ANKRD28: variants seen among roughly 807,000 people sequenced by gnomAD.
ANKRD28 encodes the protein ankyrin repeat domain 28.
A neutral mutation model predicts 126.5 loss-of-function variants in ANKRD28; 44 were observed. The ratio of observed to expected loss-of-function variants is 0.35; its 90% CI spans 0.27 to 0.45. ANKRD28 has a LOEUF of 0.45. Among genes scored for constraint, ANKRD28 ranks in the 20% least tolerant of loss-of-function variants. The pLI, the probability that ANKRD28 is intolerant of heterozygous loss-of-function variation, is 1.00. For missense variants in ANKRD28, 1,110 were observed against 1,316.6 expected, an observed-to-expected ratio of 0.84 and a Z score of 2.43; for synonymous variants, 442 against 468.5, an observed-to-expected ratio of 0.94 and a Z score of 0.73.
chr3:15,811,597 G>GAC (rs1273784170), intron 1 of ANKRD28, among the ~76,000 whole-genome samples: 2 of 151,964 alleles, frequency 1.3e-5, no homozygotes, highest in African/African-American at 4.8e-5. Context: ...TGGGACTGCA[G>GAC]GTGCACGCCA....
At chr3:15,749,142 C>T (rs1170753065) in intron 4 of ANKRD28, among the ~76,000 whole-genome samples, 13 of 124,590 alleles carry the variant, frequency 1.0e-4, no homozygotes, top group African/African-American at 2.6e-4. Context: ...CTCGCTCTGT[C>T]GCCCAGGCCG....
At position 15,675,890 on chromosome 3, in the gene ANKRD28, C is replaced by G. The variant is rs1575089212; in HGVS notation, c.2965+8G>C. 5 of 1,600,122 alleles carry G rather than the reference C, an allele frequency of 3.1e-6. No homozygotes were observed. The highest frequency in any genetic ancestry group is 8.5e-7 in the Non-Finnish European group (1 of 1,170,446). On this transcript the variant is annotated splice_region_variant and intron_variant, in intron 27 of 27. Coordinates refer to ENST00000683139, the MANE Select transcript of ANKRD28 (RefSeq NM_001349278.2). ...AGGTTAAGGGAAGAGAATATAGAACCAACTTACCATTTTCATCTACTGCAA... is the reference window on the plus strand; with the variant it reads ...AGGTTAAGGGAAGAGAATATAGAACGAACTTACCATTTTCATCTACTGCAA...
Position 15,815,628 on chromosome 3 carries a change from A to C in ANKRD28, c.28-20322T>G, listed in dbSNP as rs761169739. ...TTCTTATTGTTCTGAAAGAATCGTC[A>C]TCAATGCTATGACAAAGAATCATCT... On this transcript the variant is annotated intron_variant, in intron 1 of 27. Transcript: ENST00000399451. This position sits in a 1 kb window ranked among gnomAD's most constrained non-coding sequence, Gnocchi z 4.1. 3.9e-5 allele frequency among the ~76,000 whole-genome samples: 6 copies of C among 152,180 alleles called. No individual in the cohort carries two copies. The highest frequency in any genetic ancestry group is 8.8e-5 in the Non-Finnish European group (6 of 68,034).
chr3:15,690,131 T>C lies in ANKRD28; in HGVS notation c.1851A>G (p.Leu617=). ...CATGGCCCTTAAAAGCTGCAAGATCTAGGGGTGTTCTTCCACTACTATTTC... is the reference window on the plus strand; with the variant it reads ...CATGGCCCTTAAAAGCTGCAAGATCCAGGGGTGTTCTTCCACTACTATTTC... ...DVRNSSGRTP[L]DLAAFKGHVE... Residue 617 remains leucine, a synonymous_variant, in exon 18 of 28, where the codon CTA becomes CTG. Transcript: ENST00000683139. 1 of 1,610,748 alleles carries C rather than the reference T, an allele frequency of 6.2e-7. No individual in the cohort carries two copies. The highest frequency in any genetic ancestry group is 8.5e-7 in the Non-Finnish European group (1 of 1,178,350).
At chr3:15,743,746 T>C (rs1025795686) in intron 4 of ANKRD28, among the ~76,000 whole-genome samples, 7 of 152,186 alleles carry the variant, frequency 4.6e-5, no homozygotes, top group African/African-American at 1.4e-4. Context: ...AGCCAGCTAG[T>C]AGGAGGTGGT....
Position 15,797,441 on chromosome 3 carries a change from G to C in ANKRD28, c.-920C>G. On this transcript the variant is annotated 5_prime_UTR_variant, in exon 1 of 28. Coordinates refer to ENST00000683139, the MANE Select transcript of ANKRD28 (RefSeq NM_001349278.2). ...GTTGTCTGTGGCTGCTCCAGCAAAAGGGCACAGGCACCAGGCAGAAATGGT... is the reference window on the plus strand; with the variant it reads ...GTTGTCTGTGGCTGCTCCAGCAAAACGGCACAGGCACCAGGCAGAAATGGT... 1 of 985,364 alleles carries C rather than the reference G, an allele frequency of 1.0e-6. No homozygotes were observed. The highest frequency in any genetic ancestry group is 1.2e-6 in the Non-Finnish European group (1 of 829,954). 61.0% of individuals were successfully genotyped at this position (985,364 alleles called of 1,614,324 possible).
intron 1 of ANKRD28, among the ~76,000 whole-genome samples, chr3:15,819,870 T>A (rs1014484397): frequency 1.3e-5 from 2 of 152,192 alleles, no homozygotes; most frequent in African/African-American, 4.8e-5. Context: ...TGATTCTAAT[T>A]CAGAGCTAAG....
rs900045719 is a variant in ANKRD28 at position 15,854,935 on chromosome 3, G to A, written c.27+4442C>T. ...GTGGTGGTGGGCGCCTGTAGTCCCA[G>A]CTACTAGGGAGGCTGAGGCAGGAGA... On this transcript the variant is annotated intron_variant, in intron 1 of 27. Transcript: ENST00000399451. This position sits in a 1 kb window ranked among gnomAD's most constrained non-coding sequence, Gnocchi z 4.1. 2.0e-5 allele frequency among the ~76,000 whole-genome samples: 3 copies of A among 152,092 alleles called. No individual in the cohort carries two copies. Among genetic ancestry groups the A allele is most frequent in the Admixed American group, 6.5e-5 (1 of 15,268 alleles).
At chr3:15,703,937 A>G (rs1575259146) in intron 14 of ANKRD28, among the ~76,000 whole-genome samples, 1 of 152,174 alleles carries the variant, frequency 6.6e-6, no homozygotes, top group Admixed American at 6.5e-5. Flanking sequence ...ACAGAGCAAT[A>G]TAACTGTTGA....
chr3:15,827,105 T>C (rs2061083929), intron 1 of ANKRD28, among the ~76,000 whole-genome samples: 1 of 151,856 alleles, frequency 6.6e-6, no homozygotes, highest in Admixed American at 6.6e-5. Flanking sequence ...ACCAAAAAGA[T>C]GAAAGAAAGG....
chr3:15,756,156 A>G (rs1411468454), intron 3 of ANKRD28, among the ~76,000 whole-genome samples: 4 of 152,252 alleles, frequency 2.6e-5, no homozygotes, highest in African/African-American at 9.6e-5. Flanking sequence ...CCTCACACAT[A>G]TATCTGAATT....
At chr3:15,832,873 A>C (rs190744820) in intron 1 of ANKRD28, among the ~76,000 whole-genome samples, 569 of 152,310 alleles carry the variant, frequency 3.7e-3, no homozygotes, top group Non-Finnish European at 6.6e-3. Flanking sequence ...GCTACGGTGA[A>C]TAGCGCTGCA....
chr3:15,756,632 G>T, intron 3 of ANKRD28: 2 of 392,052 alleles, frequency 5.1e-6, no homozygotes, highest in Non-Finnish European at 6.9e-6. Flanking sequence ...TGTGTGACCT[G>T]GAAGTGTTTC....
At chr3:15,716,724 T>A (rs2073108899) in intron 8 of ANKRD28, among the ~76,000 whole-genome samples, 1 of 152,208 alleles carries the variant, frequency 6.6e-6, no homozygotes, top group Non-Finnish European at 1.5e-5. Flanking sequence ...ATAATTTGAT[T>A]AACAAAATGA....
At chr3:15,759,057 C>G (rs369190102) in intron 3 of ANKRD28, among the ~76,000 whole-genome samples, 2 of 152,132 alleles carry the variant, frequency 1.3e-5, no homozygotes, top group African/African-American at 4.8e-5. Context: ...AATATCTATA[C>G]CTCAGTGGCC....
chr3:15,799,873 T>G (rs2060425302), upstream of ANKRD28, among the ~76,000 whole-genome samples: 1 of 152,040 alleles, frequency 6.6e-6, no homozygotes, highest in Non-Finnish European at 1.5e-5. Context: ...ATAAATAATT[T>G]CATTGAAATG....
At chr3:15,848,203 C>T (rs944335190) in intron 1 of ANKRD28, among the ~76,000 whole-genome samples, 2 of 152,118 alleles carry the variant, frequency 1.3e-5, no homozygotes, top group Admixed American at 1.3e-4. Context: ...AAACTCAAAA[C>T]CAGAACCACA....
chr3:15,827,280 G>C (rs908940487), intron 1 of ANKRD28, among the ~76,000 whole-genome samples: 2 of 152,054 alleles, frequency 1.3e-5, no homozygotes, highest in Non-Finnish European at 2.9e-5. Context: ...ATAACCAAAA[G>C]AAATGAAAGC....
At chr3:15,759,916 A>C (rs1173543906) in intron 3 of ANKRD28, among the ~76,000 whole-genome samples, 2 of 152,210 alleles carry the variant, frequency 1.3e-5, no homozygotes, top group African/African-American at 4.8e-5. Flanking sequence ...ATTCACAGGA[A>C]AAGCACCTAC....
Sources: gnomAD v4.1 joint callset for allele counts (sites outside exome capture counted in the v4.1 genomes callset) on GRCh38, gnomAD v4.1.1 for gene constraint, Gnocchi (gnomAD v3.1) non-coding constraint, MANE v1.5 for transcripts, NCBI Gene and HGNC (gene_info 2026-07-23, HGNC 2026-07-21) for gene names.